ZNF624: variants seen among roughly 807,000 people sequenced by gnomAD.
ZNF624 encodes zinc finger protein 624.
In ZNF624, 43 loss-of-function variants were observed where a neutral mutation model predicts 74.7. The ratio of observed to expected loss-of-function variants is 0.58; its 90% CI spans 0.45 to 0.74. The LOEUF (loss-of-function observed/expected upper bound fraction) is 0.74, where lower values mean the gene tolerates loss of function less well. Ranked by LOEUF, ZNF624 falls within the 30% of genes least tolerant of loss-of-function variation. The probability of loss-of-function intolerance (pLI) is 0.00; values close to 1 mark genes in which losing one functional copy is unlikely to be tolerated. For missense variants in ZNF624, 820 were observed against 1,030.0 expected (o/e 0.80, Z 2.79); for synonymous variants, 331 against 341.3 (o/e 0.97, Z 0.33).
At position 16,623,341 on chromosome 17, in the gene ZNF624, G is replaced by C. The variant is rs768684751; in HGVS notation, c.1545C>G (p.Phe515Leu). The stretch of plus-strand genomic sequence containing the variant: ...CTGTGTGAATTCGCTGATGTTCTGT[G>C]AAATTTGCGATGCGGTTGAATGCTT... ...CGKAFNRIAN[F>L]TEHQRIHTGE... Residue 515 changes from phenylalanine to leucine, a missense_variant, in exon 6 of 6, where the codon TTC becomes TTG. Phe to Leu is a conservative substitution (Grantham distance 22). Coordinates refer to ENST00000311331, the MANE Select transcript of ZNF624 (RefSeq NM_020787.4). The surrounding 1 kb of genome is among the most constrained non-coding windows in gnomAD (Gnocchi z 5.3). 6.2e-7 allele frequency: 1 copy of C among 1,613,120 alleles called. No individual in the cohort carries two copies. Among genetic ancestry groups the C allele is most frequent in the Admixed American group, 1.7e-5 (1 of 59,942 alleles).
At chr17:16,620,402 C>A (rs560402701), downstream of ZNF624, among the ~76,000 whole-genome samples, 3 of 152,170 alleles carry the variant, frequency 2.0e-5, no homozygotes, top group Admixed American at 6.5e-5. Flanking sequence ...CATAAAGACA[C>A]CTGTTGTTGC....
At chr17:16,643,573 T>C (rs1909516444) in intron 3 of ZNF624, among the ~76,000 whole-genome samples, 1 of 152,168 alleles carries the variant, frequency 6.6e-6, no homozygotes, top group African/African-American at 2.4e-5. Context: ...TTCAGGGTGA[T>C]GGAATGTTCT....
Position 16,623,723 on chromosome 17 carries a change from TAG to T in ZNF624, c.1161_1162del (p.Tyr388Ter). 2 of 1,613,524 alleles carry T rather than the reference TAG, an allele frequency of 1.2e-6. No individual in the cohort carries two copies. The highest frequency in any genetic ancestry group is 1.7e-6 in the Non-Finnish European group (2 of 1,179,858). On this transcript the variant is annotated frameshift_variant, in exon 6 of 6. Transcript: ENST00000311331. LOFTEE classifies it high-confidence loss of function. The surrounding 1 kb of genome is among the most constrained non-coding windows in gnomAD (Gnocchi z 5.3). The stretch of plus-strand genomic sequence containing the variant: ...AGCTTTCCCGCATTCACTACATTTA[TAG>T]GGTTTCTCTCCAGTTTGAATTCTCT...
chr17:16,649,855 A>G, intron 1 of ZNF624, 109 bp from the exon 2 acceptor site: 1 of 799,006 alleles, frequency 1.3e-6, no homozygotes, highest in Non-Finnish European at 2.1e-6. Context: ...AGGAAGCACA[A>G]GAGTAACCCT....
intron 3 of ZNF624, among the ~76,000 whole-genome samples, chr17:16,642,630 C>G (rs1323986744): frequency 6.6e-6 from 1 of 152,022 alleles, no homozygotes; most frequent in African/African-American, 2.4e-5. Flanking sequence ...AGATATGACA[C>G]CAAAAGCACA....
chr17:16,617,292 C>T (rs1413775370), downstream of ZNF624: 1 of 1,613,752 alleles, frequency 6.2e-7, no homozygotes, highest in Admixed American at 1.7e-5. Context: ...TAGATCGAGA[C>T]CTGGATCTGC....
chr17:16,651,890 A>C (rs1050377546), intron 1 of ZNF624, among the ~76,000 whole-genome samples: 2 of 152,144 alleles, frequency 1.3e-5, no homozygotes, highest in African/African-American at 4.8e-5. Flanking sequence ...GAACAAGTAC[A>C]CCTTAAGAAA....
At chr17:16,646,662 G>C (rs1465658677) in intron 3 of ZNF624, among the ~76,000 whole-genome samples, 6 of 152,090 alleles carry the variant, frequency 3.9e-5, no homozygotes, top group Non-Finnish European at 5.9e-5. Context: ...CATAACTTTG[G>C]GGATTATCTT....
intron 5 of ZNF624, 100 bp from the exon 6 acceptor site, chr17:16,624,609 T>A: frequency 9.1e-7 from 1 of 1,100,128 alleles, no homozygotes; most frequent in Non-Finnish European, 1.3e-6. Flanking sequence ...ATAATGAATA[T>A]ATGGTTTTAA....
At chr17:16,635,890 A>AC (rs1909318114) in intron 3 of ZNF624, among the ~76,000 whole-genome samples, 1 of 152,004 alleles carries the variant, frequency 6.6e-6, no homozygotes, top group African/African-American at 2.4e-5. Context: ...AAAAAAAAAA[A>AC]AAAACACATT....
At chr17:16,646,493 A>G (rs1236070079) in intron 3 of ZNF624, among the ~76,000 whole-genome samples, 2 of 152,232 alleles carry the variant, frequency 1.3e-5, no homozygotes, top group African/African-American at 4.8e-5. Flanking sequence ...AATACTTGCC[A>G]AAGATTTACA....
chr17:16,640,198 A>T (rs1909434605), intron 3 of ZNF624, among the ~76,000 whole-genome samples: 1 of 152,234 alleles, frequency 6.6e-6, no homozygotes. Flanking sequence ...CCATAAGACA[A>T]GAAGTAAAAA....
chr17:16,644,226 C>T (rs1347754122), intron 3 of ZNF624, among the ~76,000 whole-genome samples: 3 of 152,120 alleles, frequency 2.0e-5, no homozygotes, highest in Non-Finnish European at 4.4e-5. Flanking sequence ...TATAAATTAC[C>T]CACTCTTGGG....
chr17:16,635,174 T>C (rs1390550235), intron 3 of ZNF624, among the ~76,000 whole-genome samples: 1 of 152,234 alleles, frequency 6.6e-6, no homozygotes, highest in East Asian at 1.9e-4. Flanking sequence ...TTTCTTTCAG[T>C]TCTAATCTAT....
At chr17:16,620,174 T>C (rs555018712), downstream of ZNF624, among the ~76,000 whole-genome samples, 1 of 152,268 alleles carries the variant, frequency 6.6e-6, no homozygotes, top group African/African-American at 2.4e-5. Context: ...CATCATGCCT[T>C]GTTCTTTTTG....
At chr17:16,640,960 A>T (rs998666498) in intron 3 of ZNF624, among the ~76,000 whole-genome samples, 11 of 152,204 alleles carry the variant, frequency 7.2e-5, no homozygotes, top group African/African-American at 1.9e-4. Flanking sequence ...AAATACTAAC[A>T]AAGTGGATTC....
At chr17:16,618,806 C>A (rs2142558065), downstream of ZNF624, among the ~76,000 whole-genome samples, 1 of 152,150 alleles carries the variant, frequency 6.6e-6, no homozygotes, top group South Asian at 2.1e-4. Flanking sequence ...CATATTTTTT[C>A]TCTAGCTTAC....
intron 3 of ZNF624, among the ~76,000 whole-genome samples, chr17:16,645,700 C>T (rs528863475): frequency 1.3e-5 from 2 of 150,432 alleles, no homozygotes; most frequent in African/African-American, 2.4e-5. Context: ...GCCTGTAATC[C>T]CAGCATTTTG....
chr17:16,634,899 T>C (rs541299308), intron 3 of ZNF624, 143 bp from the exon 4 acceptor site: 3 of 655,166 alleles, frequency 4.6e-6, no homozygotes, highest in Non-Finnish European at 7.4e-6. Context: ...CTTTATAGGA[T>C]GTATAAATCT....
Sources: gnomAD v4.1 joint callset for allele counts (sites outside exome capture counted in the v4.1 genomes callset) on GRCh38, gnomAD v4.1.1 for gene constraint, Gnocchi (gnomAD v3.1) non-coding constraint, MANE v1.5 for transcripts, NCBI Gene and HGNC (gene_info 2026-07-23, HGNC 2026-07-21) for gene names.